Variants in LRRTM4 observed in about 807,000 individuals in gnomAD.
The protein encoded by LRRTM4 is leucine rich repeat transmembrane neuronal 4, also known as leucine-rich repeat transmembrane neuronal protein 4.
LRRTM4 carries 25 observed loss-of-function variants against 47.6 expected under a neutral mutation model. The ratio of observed to expected loss-of-function variants is 0.53; its 90% CI spans 0.38 to 0.73. The LOEUF (loss-of-function observed/expected upper bound fraction) is 0.73, where lower values mean the gene tolerates loss of function less well. LRRTM4 is among the 30% of genes least tolerant of loss of function. The pLI is 0.00. For missense variants in LRRTM4, 638 were observed against 713.4 expected (o/e 0.89, Z 1.20); for synonymous variants, 311 against 269.5 (o/e 1.15, Z -1.51).
intron 3 of LRRTM4, among the ~76,000 whole-genome samples, chr2:77,279,834 A>T (rs1676461240): frequency 6.6e-6 from 1 of 151,960 alleles, no homozygotes; most frequent in African/African-American, 2.4e-5. Context: ...ATATTTAACT[A>T]GGATTTGAAC....
chr2:77,380,664 T>C (rs538906678), intron 3 of LRRTM4, among the ~76,000 whole-genome samples: 1 of 151,706 alleles, frequency 6.6e-6, no homozygotes, highest in Non-Finnish European at 1.5e-5. Flanking sequence ...GGCCTGGATG[T>C]GCGTGCCTGT....
At chr2:77,121,917 G>C (rs766129746) in intron 3 of LRRTM4, among the ~76,000 whole-genome samples, 34 of 151,820 alleles carry the variant, frequency 2.2e-4, no homozygotes, top group Non-Finnish European at 4.3e-4. Context: ...TTAATGTCTG[G>C]AAATTATTCT....
At chr2:77,487,809 C>T (rs554583707) in intron 3 of LRRTM4, among the ~76,000 whole-genome samples, 1 of 152,278 alleles carries the variant, frequency 6.6e-6, no homozygotes, top group East Asian at 1.9e-4. Context: ...GCACTTCCTC[C>T]CCTTTGAAGC....
intron 3 of LRRTM4, among the ~76,000 whole-genome samples, chr2:77,071,044 T>G (rs888324289): frequency 3.3e-5 from 5 of 152,232 alleles, no homozygotes; most frequent in Non-Finnish European, 7.3e-5. Flanking sequence ...TTCTCCTTTT[T>G]GTTTTTTATC....
chr2:76,795,955 C>T (rs4852417), intron 3 of LRRTM4, among the ~76,000 whole-genome samples: 17,920 of 150,340 alleles, frequency 0.12, 1,435 homozygotes, highest in Admixed American at 0.22. Context: ...TCAGTGGGTG[C>T]GCGCACCATG....
At chr2:77,260,374 CGTGTGTGTGTGTGTGT>C (rs58758948) in intron 3 of LRRTM4, among the ~76,000 whole-genome samples, 7 of 140,498 alleles carry the variant, frequency 5.0e-5, no homozygotes, top group African/African-American at 1.9e-4. Context: ...ACCAAAAAAT[CGTGTGTGTGTGTGTGT>C]GTGTGTGTGT....
intron 3 of LRRTM4, among the ~76,000 whole-genome samples, chr2:77,323,778 A>T (rs770982675): frequency 3.9e-5 from 6 of 152,138 alleles, no homozygotes; most frequent in Non-Finnish European, 7.4e-5. Flanking sequence ...CATGGATGAG[A>T]CAATGGGCTT....
At chr2:76,770,543 T>C (rs112771968) in intron 3 of LRRTM4, among the ~76,000 whole-genome samples, 383 of 152,320 alleles carry the variant, frequency 2.5e-3, no homozygotes, top group African/African-American at 8.9e-3. Context: ...ATTTAAATGT[T>C]TGTTAATGTT....
intron 3 of LRRTM4, among the ~76,000 whole-genome samples, chr2:77,021,321 C>A (rs968144056): frequency 6.6e-6 from 1 of 151,984 alleles, no homozygotes; most frequent in Non-Finnish European, 1.5e-5. Flanking sequence ...ATTTTACAGA[C>A]AGAGGAGGGA....
intron 3 of LRRTM4, among the ~76,000 whole-genome samples, chr2:76,896,177 G>C (rs1174532655): frequency 1.3e-5 from 2 of 151,898 alleles, no homozygotes; most frequent in Non-Finnish European, 2.9e-5. Context: ...TCTTACACTG[G>C]TTAGAGTTTT....
At chr2:76,938,657 A>G (rs1003874320) in intron 3 of LRRTM4, among the ~76,000 whole-genome samples, 5 of 152,156 alleles carry the variant, frequency 3.3e-5, no homozygotes, top group African/African-American at 1.2e-4. Context: ...GAAAAAGTTT[A>G]GATATAAAAC....
At chr2:77,452,777 T>C (rs1676310151) in intron 3 of LRRTM4, among the ~76,000 whole-genome samples, 1 of 152,208 alleles carries the variant, frequency 6.6e-6, no homozygotes, top group South Asian at 2.1e-4. Flanking sequence ...ATTTTGACGA[T>C]GGGTCAACAA....
intron 3 of LRRTM4, among the ~76,000 whole-genome samples, chr2:77,137,017 G>C (rs1671964370): frequency 6.6e-6 from 1 of 151,920 alleles, no homozygotes; most frequent in African/African-American, 2.4e-5. Context: ...ACCTGAAAGT[G>C]ACAGGGAGAA....
intron 3 of LRRTM4, among the ~76,000 whole-genome samples, chr2:76,760,153 C>G (rs1673200649): frequency 6.6e-6 from 1 of 152,054 alleles, no homozygotes; most frequent in African/African-American, 2.4e-5. Context: ...CTTTCCTTTT[C>G]CTTTCTGTAC....
rs75193356 is a variant in LRRTM4 at position 76,775,974 on chromosome 2, T to C, written c.1552-27058A>G. On this transcript the variant is annotated intron_variant, in intron 3 of 3. Coordinates refer to ENST00000409884, the MANE Select transcript of LRRTM4 (RefSeq NM_001134745.3). ...TTCCTGTGTCCATATGATCTTATTGTTCACTTCCCGCCTATGAGTGACAAT... is the reference window on the plus strand; with the variant it reads ...TTCCTGTGTCCATATGATCTTATTGCTCACTTCCCGCCTATGAGTGACAAT... Among the ~76,000 whole-genome samples the C allele has an allele frequency of 4.0e-5, 6 of 151,192 alleles. No individual in the cohort carries two copies. The East Asian group carries it at 1.2e-3, about 30-fold the overall frequency.
chr2:77,457,476 C>T (rs543663931), intron 3 of LRRTM4, among the ~76,000 whole-genome samples: 1 of 152,176 alleles, frequency 6.6e-6, no homozygotes, highest in Admixed American at 6.5e-5. Flanking sequence ...AACTTCCACA[C>T]CAACATTCCT....
At chr2:77,290,238 T>A (rs567331817) in intron 3 of LRRTM4, among the ~76,000 whole-genome samples, 1 of 152,140 alleles carries the variant, frequency 6.6e-6, no homozygotes, top group African/African-American at 2.4e-5. Context: ...TAAATATGAA[T>A]CTAATAGTTT....
chr2:76,771,182 T>C (rs1051345907), intron 3 of LRRTM4, among the ~76,000 whole-genome samples: 1 of 152,190 alleles, frequency 6.6e-6, no homozygotes, highest in Non-Finnish European at 1.5e-5. Flanking sequence ...CAATCACTGA[T>C]TCCTCACTTT....
intron 3 of LRRTM4, among the ~76,000 whole-genome samples, chr2:77,016,829 T>G (rs142610246): frequency 4.5e-4 from 69 of 152,258 alleles, no homozygotes; most frequent in African/African-American, 1.6e-3. Flanking sequence ...CTGCAGAAAC[T>G]GATTAGGAAG....
Sources: gnomAD v4.1 joint callset for allele counts (sites outside exome capture counted in the v4.1 genomes callset) on GRCh38, gnomAD v4.1.1 for gene constraint, MANE v1.5 for transcripts, NCBI Gene and HGNC (gene_info 2026-07-23, HGNC 2026-07-21) for gene names.